Variants in RNF180 observed in about 807,000 individuals in gnomAD.
RNF180 encodes E3 ubiquitin-protein ligase RNF180.
In RNF180, 38 loss-of-function variants were observed where a neutral mutation model predicts 59.2. The ratio of observed to expected loss-of-function variants is 0.64; its 90% CI spans 0.50 to 0.84. The LOEUF (loss-of-function observed/expected upper bound fraction) is 0.84, where lower values mean the gene tolerates loss of function less well. Among genes scored for constraint, RNF180 ranks in the 40% least tolerant of loss-of-function variants. The probability of loss-of-function intolerance (pLI) is 0.00; values close to 1 mark genes in which losing one functional copy is unlikely to be tolerated. For missense variants in RNF180, 705 were observed against 700.9 expected (o/e 1.01, Z -0.07); for synonymous variants, 262 against 240.3 (o/e 1.09, Z -0.84).
intron 6 of RNF180, among the ~76,000 whole-genome samples, chr5:64,329,798 A>G (rs891243050): frequency 1.3e-5 from 2 of 152,324 alleles, no homozygotes; most frequent in African/African-American, 4.8e-5. Flanking sequence ...GCAGTTCACA[A>G]TAGGGTTCAC....
chr5:64,257,600 T>C (rs1012756588), intron 5 of RNF180, among the ~76,000 whole-genome samples: 3 of 152,154 alleles, frequency 2.0e-5, no homozygotes, highest in Non-Finnish European at 4.4e-5. Flanking sequence ...CTGAATTCGG[T>C]TTGCCAGTAT....
In RNF180 at chr5:64,212,116, AATGTAG is replaced by A; in HGVS notation, c.189_194del (p.Asn63_Glu65delinsLys). 6.2e-7 allele frequency: 1 copy of A among 1,608,346 alleles called. No individual in the cohort carries two copies. The highest frequency in any genetic ancestry group is 1.1e-5 in the South Asian group (1 of 90,960). On this transcript the variant is annotated inframe_deletion, in exon 3 of 8. Coordinates refer to ENST00000389100, the MANE Select transcript of RNF180 (RefSeq NM_001113561.2). ...AAATATTTGTCATGTGTGGCACATGAATGTAGAAGCCCTTCCAGAATGGATAAGCTG... is the reference window on the plus strand; with the variant it reads ...AAATATTTGTCATGTGTGGCACATGAAAGCCCTTCCAGAATGGATAAGCTG...
intron 5 of RNF180, among the ~76,000 whole-genome samples, chr5:64,319,840 T>C (rs974155440): frequency 6.6e-6 from 1 of 152,248 alleles, no homozygotes; most frequent in African/African-American, 2.4e-5. Flanking sequence ...AAATATTTTG[T>C]ACAGTTGAAT....
intron 5 of RNF180, among the ~76,000 whole-genome samples, chr5:64,243,168 A>G (rs906244477): frequency 2.0e-5 from 3 of 152,154 alleles, no homozygotes. Context: ...TGGCCATTTG[A>G]GCAGACATTG....
intron 5 of RNF180, among the ~76,000 whole-genome samples, chr5:64,259,984 T>C (rs1744229536): frequency 1.3e-5 from 2 of 152,102 alleles, no homozygotes; most frequent in Non-Finnish European, 2.9e-5. Context: ...AATCTTTGAC[T>C]ATCCTAATCA....
intron 2 of RNF180, among the ~76,000 whole-genome samples, chr5:64,205,941 A>C (rs1474252589): frequency 1.3e-5 from 2 of 152,196 alleles, no homozygotes; most frequent in African/African-American, 2.4e-5. Context: ...ATTAGGATAC[A>C]ATATTATGGA....
chr5:64,312,068 G>A (rs1743796947), intron 5 of RNF180, among the ~76,000 whole-genome samples: 1 of 151,964 alleles, frequency 6.6e-6, no homozygotes, highest in African/African-American at 2.4e-5. Context: ...GGAGAAAATT[G>A]TCATCACAGA....
At chr5:64,264,224 T>A (rs911690323) in intron 5 of RNF180, among the ~76,000 whole-genome samples, 3 of 152,206 alleles carry the variant, frequency 2.0e-5, no homozygotes, top group African/African-American at 7.2e-5. Flanking sequence ...AAACATCTTT[T>A]TTTTATTTCT....
chr5:64,200,977 G>T, intron 2 of RNF180, 35 bp downstream of exon 2: 1 of 1,594,256 alleles, frequency 6.3e-7, no homozygotes, highest in Non-Finnish European at 8.6e-7. Flanking sequence ...CAGTTTCCTG[G>T]TAGAGGAGTG....
intron 1 of RNF180, among the ~76,000 whole-genome samples, chr5:64,179,395 C>G (rs12188449): frequency 7.8e-4 from 118 of 152,180 alleles, no homozygotes; most frequent in Non-Finnish European, 1.5e-3. Context: ...CTATTCTAAA[C>G]TTGGTGTCTG....
intron 1 of RNF180, among the ~76,000 whole-genome samples, chr5:64,181,521 C>T (rs951895740): frequency 2.6e-5 from 4 of 152,184 alleles, no homozygotes; most frequent in African/African-American, 9.7e-5. Flanking sequence ...AAAATGCCCT[C>T]TCTGAAAAAT....
intron 1 of RNF180, among the ~76,000 whole-genome samples, chr5:64,182,116 G>T (rs551815113): frequency 6.7e-6 from 1 of 148,704 alleles, no homozygotes; most frequent in African/African-American, 2.5e-5. Flanking sequence ...TCAGCCTCCC[G>T]AGTAGCTGGG....
intron 1 of RNF180, among the ~76,000 whole-genome samples, chr5:64,199,458 A>G (rs1385587505): frequency 3.9e-5 from 6 of 152,204 alleles, no homozygotes; most frequent in Non-Finnish European, 8.8e-5. Context: ...CAGAATCAGT[A>G]AAAATTTCTA....
intron 7 of RNF180, among the ~76,000 whole-genome samples, chr5:64,338,165 CTAAT>C (rs1745209409): frequency 1.3e-5 from 2 of 152,112 alleles, no homozygotes; most frequent in South Asian, 4.2e-4. Context: ...CTTATTAAGT[CTAAT>C]TATTTATAAG....
At chr5:64,173,720 T>C (rs2111889413) in intron 1 of RNF180, among the ~76,000 whole-genome samples, 1 of 150,814 alleles carries the variant, frequency 6.6e-6, no homozygotes, top group Non-Finnish European at 1.5e-5. Context: ...GCATCAACTT[T>C]TTTTTTTTTT....
chr5:64,234,535 A>G (rs920757116), intron 5 of RNF180, among the ~76,000 whole-genome samples: 1 of 140,330 alleles, frequency 7.1e-6, no homozygotes, highest in African/African-American at 2.6e-5. Flanking sequence ...TTTCTAATTC[A>G]TAGTCTTATG....
intron 7 of RNF180, among the ~76,000 whole-genome samples, chr5:64,344,831 G>A (rs916804268): frequency 6.6e-6 from 1 of 151,740 alleles, no homozygotes; most frequent in African/African-American, 2.4e-5. Context: ...TGCTTCATCT[G>A]TGCAGCTGAG....
intron 5 of RNF180, among the ~76,000 whole-genome samples, chr5:64,310,176 C>T (rs1006177112): frequency 1.3e-5 from 2 of 151,728 alleles, no homozygotes; most frequent in Non-Finnish European, 2.9e-5. Flanking sequence ...CCAAATTCAA[C>T]AAGTATAAAA....
At chr5:64,231,811 G>A (rs1462403681) in intron 5 of RNF180, among the ~76,000 whole-genome samples, 2 of 152,160 alleles carry the variant, frequency 1.3e-5, no homozygotes, top group Non-Finnish European at 2.9e-5. Context: ...TTAAGCTTAA[G>A]GAAGAAAGAA....
Sources: allele counts gnomAD v4.1 joint callset (sites outside exome capture counted in the v4.1 genomes callset), GRCh38; gene constraint gnomAD v4.1.1; transcripts MANE v1.5; gene names NCBI Gene and HGNC (gene_info 2026-07-23, HGNC 2026-07-21).